The following DPP6 variants were observed in gnomAD, a reference collection of about 807,000 sequenced individuals.
DPP6 encodes the protein A-type potassium channel modulatory protein DPP6.
Under a neutral mutation model 122.6 loss-of-function variants are expected in DPP6, and 69 were observed. That is an observed-to-expected ratio of 0.56 (90% CI 0.46 to 0.69). The LOEUF (loss-of-function observed/expected upper bound fraction) is 0.69. Among genes scored for constraint, DPP6 ranks in the 30% least tolerant of loss-of-function variants. The pLI, the probability that DPP6 is intolerant of heterozygous loss-of-function variation, is 0.00. For missense variants in DPP6, 928 were observed against 1,116.9 expected (o/e 0.83, Z 2.41); for synonymous variants, 418 against 433.1 (o/e 0.97, Z 0.43).
intron 1 of DPP6, among the ~76,000 whole-genome samples, chr7:153,965,847 C>G (rs1383355363): frequency 1.3e-5 from 2 of 151,026 alleles, no homozygotes; most frequent in Non-Finnish European, 2.9e-5. Flanking sequence ...CCTGTAGCTG[C>G]TCTGTTAACC....
rs531799642 is a variant in DPP6, at chr7:154,286,292, G to A, written c.244-159922G>A. Among the ~76,000 whole-genome samples the A allele has an allele frequency of 8.5e-5, 13 of 152,214 alleles. No individual in the cohort carries two copies. In the East Asian group the frequency reaches 1.2e-3, roughly 14 times the overall value. ...CAATTTCATCAGCTTCCTATATCTC[G>A]GTGTAGCCACGAGCAAGATCATTTT... On this transcript the variant is annotated intron_variant, in intron 1 of 25. Coordinates refer to ENST00000377770, the MANE Select transcript of DPP6 (RefSeq NM_130797.4).
chr7:154,154,034 C>G (rs1259684886), intron 1 of DPP6, among the ~76,000 whole-genome samples: 2 of 152,228 alleles, frequency 1.3e-5, no homozygotes, highest in South Asian at 4.1e-4. Context: ...CATAATTGTT[C>G]CTTCAATTCC....
rs1446605547 is a variant in DPP6 at position 154,875,411 on chromosome 7, T to C, written c.1884-495T>C. ...GAGGGAGGGAGAAAGGCCACCCATA[T>C]GGCGGGTTTGCTGTTACTTCCGACT... is the stretch of plus-strand genomic sequence containing the variant. On this transcript the variant is annotated intron_variant, in intron 19 of 25. Coordinates refer to ENST00000377770, the MANE Select transcript of DPP6 (RefSeq NM_130797.4). This position sits in a 1 kb window ranked among gnomAD's most constrained non-coding sequence, Gnocchi z 4.5. Among the ~76,000 whole-genome samples, 1 of 152,194 alleles carries C rather than the reference T, an allele frequency of 6.6e-6. No homozygotes were observed. The highest frequency in any genetic ancestry group is 1.9e-4 in the East Asian group (1 of 5,178).
At chr7:154,121,293 T>C (rs566658983) in intron 1 of DPP6, among the ~76,000 whole-genome samples, 3 of 152,366 alleles carry the variant, frequency 2.0e-5, no homozygotes, top group Middle Eastern at 3.4e-3. Context: ...ATTTATTGTT[T>C]CCTTCCCTCT....
intron 6 of DPP6, among the ~76,000 whole-genome samples, chr7:154,648,251 A>T (rs1232509484): frequency 1.5e-5 from 1 of 67,346 alleles, no homozygotes; most frequent in Non-Finnish European, 3.4e-5. Context: ...CTGGGCAACA[A>T]GAGCAAAACT....
chr7:153,862,593 G>A, the DPP6 span, among the ~76,000 whole-genome samples: 1 of 152,138 alleles, frequency 6.6e-6, no homozygotes, highest in African/African-American at 2.4e-5. Flanking sequence ...CCTAAATAAT[G>A]CCTAAACATC....
rs577436421 is a variant in DPP6 at position 154,822,891 on chromosome 7, T to G, written c.1666+15779T>G. Among the ~76,000 whole-genome samples the G allele has an allele frequency of 1.9e-4, 29 of 152,354 alleles. No homozygotes were observed. The South Asian group carries it at 5.8e-3, about 30-fold the overall frequency. The stretch of plus-strand genomic sequence containing the variant: ...CCACTGGCGTGTAGTTCAGTGAGTA[T>G]AGGAACTTTGTTTGACCCACCACTT... On this transcript the variant is annotated intron_variant, in intron 16 of 25. Coordinates refer to ENST00000377770, the MANE Select transcript of DPP6 (RefSeq NM_130797.4).
chr7:153,848,242 C>A, the DPP6 span, among the ~76,000 whole-genome samples: 1 of 151,312 alleles, frequency 6.6e-6, no homozygotes, highest in Non-Finnish European at 1.5e-5. Context: ...TGGTCGCCCC[C>A]CCACCAATCC....
intron 7 of DPP6, among the ~76,000 whole-genome samples, chr7:154,702,840 G>A (rs1840599511): frequency 2.0e-5 from 3 of 152,226 alleles, no homozygotes; most frequent in Admixed American, 2.0e-4. Flanking sequence ...TTTTAGTGAA[G>A]ACAAAACAGC....
At chr7:154,390,987 G>T (rs886824773) in intron 1 of DPP6, among the ~76,000 whole-genome samples, 1 of 152,082 alleles carries the variant, frequency 6.6e-6, no homozygotes, top group Non-Finnish European at 1.5e-5. Context: ...TTACTTCTCC[G>T]CACCTCAATG....
the DPP6 span, among the ~76,000 whole-genome samples, chr7:153,842,070 A>G: frequency 1.3e-5 from 2 of 152,240 alleles, no homozygotes; most frequent in Non-Finnish European, 2.9e-5. Context: ...ATGTACATAG[A>G]TAAAAGCAGG....
At chr7:153,869,684 C>T in the DPP6 span, among the ~76,000 whole-genome samples, 3 of 152,126 alleles carry the variant, frequency 2.0e-5, no homozygotes, top group South Asian at 2.1e-4. Context: ...TGAATTTGAT[C>T]CTGTCATTAT....
chr7:154,793,808 C>T, intron 10 of DPP6: 1 of 372,434 alleles, frequency 2.7e-6, no homozygotes, highest in Admixed American at 4.2e-5. Flanking sequence ...CCCCACACCC[C>T]TCACCCCCAG....
intron 5 of DPP6, among the ~76,000 whole-genome samples, chr7:154,609,106 C>G (rs1352125470): frequency 6.6e-6 from 1 of 152,182 alleles, no homozygotes; most frequent in Non-Finnish European, 1.5e-5. Flanking sequence ...CGCCAAAACT[C>G]AAATGTTCTC....
At chr7:154,155,706 G>A (rs1323119804) in intron 1 of DPP6, among the ~76,000 whole-genome samples, 3 of 152,144 alleles carry the variant, frequency 2.0e-5, no homozygotes, top group Non-Finnish European at 4.4e-5. Flanking sequence ...TTATATGCCA[G>A]GAACCTATAA....
At chr7:154,407,648 T>C (rs1040250380) in intron 1 of DPP6, among the ~76,000 whole-genome samples, 2 of 152,224 alleles carry the variant, frequency 1.3e-5, no homozygotes, top group African/African-American at 4.8e-5. Context: ...TTTTAAAAAA[T>C]AGAAATAAAA....
intron 1 of DPP6, among the ~76,000 whole-genome samples, chr7:154,345,236 T>C (rs1810296487): frequency 6.6e-6 from 1 of 152,038 alleles, no homozygotes; most frequent in Non-Finnish European, 1.5e-5. Context: ...CTCTCACCTG[T>C]CTCTTCTCGC....
chr7:153,849,177 A>G, the DPP6 span, among the ~76,000 whole-genome samples: 1 of 152,198 alleles, frequency 6.6e-6, no homozygotes, highest in Non-Finnish European at 1.5e-5. Context: ...CCTTGCATTA[A>G]TGTTTGACTT....
intron 1 of DPP6, among the ~76,000 whole-genome samples, chr7:154,248,572 G>A (rs1802139455): frequency 6.6e-6 from 1 of 152,138 alleles, no homozygotes; most frequent in Admixed American, 6.5e-5. Flanking sequence ...TTTGTCAAAA[G>A]TCATTGAATT....
Sources: gnomAD v4.1 joint callset for allele counts (sites outside exome capture counted in the v4.1 genomes callset) on GRCh38, gnomAD v4.1.1 for gene constraint, Gnocchi (gnomAD v3.1) non-coding constraint, MANE v1.5 for transcripts, NCBI Gene and HGNC (gene_info 2026-07-23, HGNC 2026-07-21) for gene names.